The following GABBR2 variants were observed in gnomAD, a reference collection of about 807,000 sequenced individuals.
GABBR2 encodes the protein gamma-aminobutyric acid type B receptor subunit 2.
Under a neutral mutation model 105.6 loss-of-function variants are expected in GABBR2, and 23 were observed. The ratio of observed to expected loss-of-function variants is 0.22; its 90% CI spans 0.16 to 0.31. The LOEUF is 0.31. Ranked by LOEUF, GABBR2 falls within the 10% of genes least tolerant of loss-of-function variation. The pLI is 1.00. For synonymous variants in GABBR2, 478 were observed against 499.7 expected, an observed-to-expected ratio of 0.96 and a Z score of 0.58; for missense variants, 734 against 1,245.5, an observed-to-expected ratio of 0.59 and a Z score of 6.18.
chr9:98,492,649 G>A (rs1827202047), intron 4 of GABBR2, among the ~76,000 whole-genome samples: 1 of 151,990 alleles, frequency 6.6e-6, no homozygotes, highest in Non-Finnish European at 1.5e-5. Flanking sequence ...TTTTGGCTAA[G>A]GCTTTCTCTA....
At chr9:98,667,791 A>G (rs115481242) in intron 1 of GABBR2, among the ~76,000 whole-genome samples, 146 of 152,254 alleles carry the variant, frequency 9.6e-4, no homozygotes, top group African/African-American at 3.3e-3. Flanking sequence ...TGTTGTAAAT[A>G]TCTGCCTTGG....
chr9:98,675,544 A>C (rs1162793752), intron 1 of GABBR2, among the ~76,000 whole-genome samples: 1 of 152,182 alleles, frequency 6.6e-6, no homozygotes, highest in Non-Finnish European at 1.5e-5. Context: ...AAACTAGGAG[A>C]ACAAGCCACA....
At chr9:98,586,025 C>T in intron 1 of GABBR2, among the ~76,000 whole-genome samples, 1 of 22,962 alleles carries the variant, frequency 4.4e-5, no homozygotes, top group Admixed American at 2.5e-4. Flanking sequence ...GAAATAATAA[C>T]TTGCCCAATT....
At chr9:98,661,429 C>T (rs1830262035) in intron 1 of GABBR2, among the ~76,000 whole-genome samples, 1 of 151,656 alleles carries the variant, frequency 6.6e-6, no homozygotes. Context: ...GATATGGAGT[C>T]TCACTCTGTT....
intron 3 of GABBR2, among the ~76,000 whole-genome samples, chr9:98,535,439 TAAC>T (rs1048061063): frequency 6.0e-5 from 9 of 150,884 alleles, no homozygotes; most frequent in Non-Finnish European, 1.0e-4. Flanking sequence ...AATAAATAAA[TAAC>T]AACAGAGCAA....
chr9:98,390,212 C>T (rs545583474), intron 9 of GABBR2, among the ~76,000 whole-genome samples: 4 of 151,540 alleles, frequency 2.6e-5, no homozygotes, highest in East Asian at 2.0e-4. Context: ...CCGTCTCTAC[C>T]GAAAATACGA....
intron 1 of GABBR2, among the ~76,000 whole-genome samples, chr9:98,620,822 C>T (rs1829659691): frequency 6.6e-6 from 1 of 152,076 alleles, no homozygotes; most frequent in African/African-American, 2.4e-5. Flanking sequence ...TCACACAGAG[C>T]CCAGTCTGAA....
At chr9:98,607,353 G>T in intron 1 of GABBR2, 1 of 728,080 alleles carries the variant, frequency 1.4e-6, no homozygotes, top group Non-Finnish European at 2.5e-6. Context: ...TTAAACCATT[G>T]AATATTGAGT....
chr9:98,659,729 C>T (rs1477900725), intron 1 of GABBR2, among the ~76,000 whole-genome samples: 1 of 151,982 alleles, frequency 6.6e-6, no homozygotes, highest in East Asian at 1.9e-4. Context: ...CCATGTTGGC[C>T]AGGCTGGTCT....
chr9:98,530,861 G>A (rs555100061), intron 3 of GABBR2, among the ~76,000 whole-genome samples: 35 of 152,208 alleles, frequency 2.3e-4, no homozygotes, highest in African/African-American at 8.4e-4. Flanking sequence ...CTCAATAACT[G>A]GCAGATGAGA....
At chr9:98,689,467 C>T (rs911214916) in intron 1 of GABBR2, among the ~76,000 whole-genome samples, 4 of 152,274 alleles carry the variant, frequency 2.6e-5, no homozygotes, top group South Asian at 2.1e-4. Flanking sequence ...ACAATGCTGG[C>T]GGTGCTAATA....
At chr9:98,543,542 T>C (rs1937205291) in intron 2 of GABBR2, among the ~76,000 whole-genome samples, 1 of 151,962 alleles carries the variant, frequency 6.6e-6, no homozygotes, top group South Asian at 2.1e-4. Context: ...AATTTAAAAA[T>C]CTGTCAGAGA....
At chr9:98,380,803 C>T (rs1370468801) in intron 11 of GABBR2, among the ~76,000 whole-genome samples, 3 of 152,190 alleles carry the variant, frequency 2.0e-5, no homozygotes, top group African/African-American at 7.2e-5. Flanking sequence ...CACACACGCA[C>T]CCACCCTCGT....
rs546740352 is a variant in GABBR2 at position 98,533,086 on chromosome 9, T to G, written c.630+8787A>C. Among the ~76,000 whole-genome samples the G allele has an allele frequency of 2.6e-4, 40 of 152,246 alleles. 1 individual carries two copies. The South Asian group carries it at 8.3e-3, about 32-fold the overall frequency. Reference sequence around the variant, plus strand: ...TTAAGAAATGATGGCATGACCTGAGTGGAATTCTGCAGGAGTCAGACTTGC... The same window carrying G: ...TTAAGAAATGATGGCATGACCTGAGGGGAATTCTGCAGGAGTCAGACTTGC... On this transcript the variant is annotated intron_variant, in intron 3 of 18. Transcript: ENST00000259455.
At chr9:98,572,733 T>C (rs1478960835) in intron 2 of GABBR2, among the ~76,000 whole-genome samples, 1 of 152,134 alleles carries the variant, frequency 6.6e-6, no homozygotes, top group Non-Finnish European at 1.5e-5. Context: ...ATCCTGATCT[T>C]TGTTCTTATA....
chr9:98,674,531 T>C (rs992813448), intron 1 of GABBR2, among the ~76,000 whole-genome samples: 1 of 151,994 alleles, frequency 6.6e-6, no homozygotes, highest in Non-Finnish European at 1.5e-5. Context: ...GCAGGACCTT[T>C]TGTGTTCCAG....
At chr9:98,502,516 C>A (rs2131680771) in intron 3 of GABBR2, among the ~76,000 whole-genome samples, 1 of 152,354 alleles carries the variant, frequency 6.6e-6, no homozygotes, top group East Asian at 1.9e-4. Context: ...GTTCTCTCCA[C>A]CCACACTGTC....
intron 11 of GABBR2, among the ~76,000 whole-genome samples, chr9:98,377,308 C>T: frequency 6.6e-6 from 1 of 152,128 alleles, no homozygotes. Context: ...AAGTGGGCGT[C>T]AGGGCCAGAG....
rs536752332 is a variant in GABBR2 at position 98,439,065 on chromosome 9, G to T, written c.1236+14916C>A. ...CTCATGGTTTTCACAATATCTACCCGCCATCTGTGCTTTCCTTTACTAAAT... is the reference window on the plus strand; with the variant it reads ...CTCATGGTTTTCACAATATCTACCCTCCATCTGTGCTTTCCTTTACTAAAT... On this transcript the variant is annotated intron_variant, in intron 7 of 18. Transcript: ENST00000259455. Among the ~76,000 whole-genome samples, 21 of 151,864 alleles carry T rather than the reference G, an allele frequency of 1.4e-4. No individual in the cohort carries two copies. The East Asian group carries it at 4.1e-3, about 29-fold the overall frequency.
Sources: allele counts gnomAD v4.1 joint callset (sites outside exome capture counted in the v4.1 genomes callset), GRCh38; gene constraint gnomAD v4.1.1; transcripts MANE v1.5; gene names NCBI Gene and HGNC (gene_info 2026-07-23, HGNC 2026-07-21).